TMEM132B: variants seen among roughly 807,000 people sequenced by gnomAD.
TMEM132B encodes transmembrane protein 132B.
In TMEM132B, 18 loss-of-function variants were observed where a neutral mutation model predicts 90.8. That is an observed-to-expected ratio of 0.20 (90% CI 0.14 to 0.29). The LOEUF (loss-of-function observed/expected upper bound fraction) is 0.29. TMEM132B is among the 10% of genes least tolerant of loss of function. TMEM132B has a pLI of 1.00. For synonymous variants in TMEM132B, 504 were observed against 523.3 expected (o/e 0.96, Z 0.50); for missense variants, 1,096 against 1,326.8 (o/e 0.83, Z 2.70).
chr12:125,470,852 T>C (rs78421157), intron 3 of TMEM132B, among the ~76,000 whole-genome samples: 9,408 of 152,174 alleles, frequency 0.062, 870 homozygotes, highest in African/African-American at 0.2. Context: ...GAGTCATTTT[T>C]CCCTCCTTCA....
intron 3 of TMEM132B, among the ~76,000 whole-genome samples, chr12:125,435,880 G>T (rs1880685043): frequency 6.6e-6 from 1 of 152,018 alleles, no homozygotes; most frequent in Non-Finnish European, 1.5e-5. Context: ...AACCAGGGCA[G>T]CAGGGAGGCC....
At chr12:125,400,967 G>A (rs1356070018) in intron 2 of TMEM132B, among the ~76,000 whole-genome samples, 1 of 152,094 alleles carries the variant, frequency 6.6e-6, no homozygotes, top group Non-Finnish European at 1.5e-5. Context: ...TATGGGTCCT[G>A]CCCCCCAGAC....
chr12:125,270,725 T>C (rs1874816495), intron 1 of TMEM132B, among the ~76,000 whole-genome samples: 1 of 150,294 alleles, frequency 6.7e-6, no homozygotes, highest in African/African-American at 2.5e-5. Context: ...CTCCAGGATG[T>C]TGAATCCCTT....
At chr12:125,520,285 C>T (rs1207658513) in intron 4 of TMEM132B, among the ~76,000 whole-genome samples, 1 of 152,206 alleles carries the variant, frequency 6.6e-6, no homozygotes, top group African/African-American at 2.4e-5. Context: ...ACAGTAAGTC[C>T]ATGGGTACTA....
intron 3 of TMEM132B, among the ~76,000 whole-genome samples, chr12:125,451,838 A>G (rs1361803830): frequency 6.6e-6 from 1 of 152,256 alleles, no homozygotes; most frequent in African/African-American, 2.4e-5. Context: ...CAGAGGCACT[A>G]GCATTCCAGG....
chr12:125,563,261 G>T (rs189565123), intron 4 of TMEM132B, among the ~76,000 whole-genome samples: 1 of 152,054 alleles, frequency 6.6e-6, no homozygotes, highest in Non-Finnish European at 1.5e-5. Flanking sequence ...CTGGAAAAAT[G>T]GTGCTAATAG....
intron 1 of TMEM132B, among the ~76,000 whole-genome samples, chr12:125,270,112 T>TGTGTGTGTG (rs1555235074): frequency 3.5e-5 from 5 of 143,250 alleles, no homozygotes; most frequent in East Asian, 4.2e-4. Context: ...CACATCTTTG[T>TGTGTGTGTG]TGTGTGTGTG....
At chr12:125,442,901 C>T (rs187823074) in intron 3 of TMEM132B, among the ~76,000 whole-genome samples, 3 of 152,348 alleles carry the variant, frequency 2.0e-5, no homozygotes, top group Admixed American at 6.5e-5. Flanking sequence ...AGGGTTGCCC[C>T]TGGTCGCTAG....
intron 2 of TMEM132B, among the ~76,000 whole-genome samples, chr12:125,402,454 G>T (rs565748671): frequency 6.6e-6 from 1 of 152,188 alleles, no homozygotes; most frequent in Non-Finnish European, 1.5e-5. Flanking sequence ...TGGGATTACC[G>T]GCATGAATCA....
intron 1 of TMEM132B, among the ~76,000 whole-genome samples, chr12:125,348,970 T>C (rs145387279): frequency 6.6e-6 from 1 of 152,302 alleles, no homozygotes; most frequent in Non-Finnish European, 1.5e-5. Flanking sequence ...TCAATAACAA[T>C]AGTAGAGATG....
In TMEM132B at chr12:125,348,000, G is replaced by A. The variant is rs1228687590; in HGVS notation, c.68-1452G>A. ...GAAAAACAAAAACTTTCGCCTTTGG[G>A]TTCTATAGACACACAAACATAAATA... On this transcript the variant is annotated intron_variant, in intron 1 of 8. Coordinates refer to ENST00000682704, the MANE Select transcript of TMEM132B (RefSeq NM_001366854.1). Among the ~76,000 whole-genome samples, 3 of 152,072 alleles carry A rather than the reference G, an allele frequency of 2.0e-5. No homozygotes were observed. In the East Asian group the frequency reaches 5.8e-4, roughly 29 times the overall value.
intron 1 of TMEM132B, among the ~76,000 whole-genome samples, chr12:125,242,044 A>G (rs1271555702): frequency 6.6e-6 from 1 of 152,224 alleles, no homozygotes; most frequent in Non-Finnish European, 1.5e-5. Flanking sequence ...AACAACGAGT[A>G]TTTTCTGAGA....
At chr12:125,542,859 C>A (rs571869205) in intron 4 of TMEM132B, among the ~76,000 whole-genome samples, 13 of 152,282 alleles carry the variant, frequency 8.5e-5, no homozygotes, top group African/African-American at 3.1e-4. Flanking sequence ...GGAGAGCAGG[C>A]TTTTAATTAT....
chr12:125,229,499 A>G (rs1250126950), intron 1 of TMEM132B, among the ~76,000 whole-genome samples: 2 of 152,208 alleles, frequency 1.3e-5, no homozygotes, highest in Non-Finnish European at 2.9e-5. Flanking sequence ...AGAGAAACCC[A>G]CTGTAACTGG....
At chr12:125,396,699 A>G (rs1027970541) in intron 2 of TMEM132B, among the ~76,000 whole-genome samples, 1 of 151,900 alleles carries the variant, frequency 6.6e-6, no homozygotes, top group Non-Finnish European at 1.5e-5. Context: ...TGGAGATGGG[A>G]TCTTGCTATG....
In TMEM132B at chr12:125,627,975, G is replaced by T. The variant is rs139145874; in HGVS notation, c.1438-16101G>T. 4.2e-4 allele frequency among the ~76,000 whole-genome samples: 64 copies of T among 152,242 alleles called. No homozygotes were observed. In the East Asian group the frequency reaches 0.01, roughly 25 times the overall value. Reference sequence around the variant, plus strand: ...AAAGATCTCCAGTTCCATCCATGTTGTTGCAAATGACAAGAGCTCATTCTT... The same window carrying T: ...AAAGATCTCCAGTTCCATCCATGTTTTTGCAAATGACAAGAGCTCATTCTT... On this transcript the variant is annotated intron_variant, in intron 5 of 8. Transcript: ENST00000682704.
chr12:125,439,514 A>AT (rs1272334702), intron 3 of TMEM132B, among the ~76,000 whole-genome samples: 1 of 152,122 alleles, frequency 6.6e-6, no homozygotes, highest in African/African-American at 2.4e-5. Context: ...TTGCACATTG[A>AT]TTTTGTATCC....
intron 1 of TMEM132B, among the ~76,000 whole-genome samples, chr12:125,191,557 C>A (rs1872794363): frequency 6.6e-6 from 1 of 152,158 alleles, no homozygotes; most frequent in East Asian, 1.9e-4. Context: ...GCTTATACTC[C>A]CAGGTGGTGG....
chr12:125,459,562 CA>C lies in TMEM132B; in HGVS notation c.1106+43891del, dbSNP rs1169403348. Among the ~76,000 whole-genome samples, 4 of 151,954 alleles carry C rather than the reference CA, an allele frequency of 2.6e-5. No individual in the cohort carries two copies. The highest frequency in any genetic ancestry group is 5.9e-5 in the Non-Finnish European group (4 of 67,994). ...GTGTGGTGGGGATGTCTAATGGGTA[CA>C]AAAAATATAGTTACAAAGAATGAAT... is the stretch of plus-strand genomic sequence containing the variant. On this transcript the variant is annotated intron_variant, in intron 3 of 8. Transcript: ENST00000682704. The surrounding 1 kb of genome is among the most constrained non-coding windows in gnomAD (Gnocchi z 4.1).
Sources: gnomAD v4.1 joint callset for allele counts (sites outside exome capture counted in the v4.1 genomes callset) on GRCh38, gnomAD v4.1.1 for gene constraint, Gnocchi (gnomAD v3.1) non-coding constraint, MANE v1.5 for transcripts, NCBI Gene and HGNC (gene_info 2026-07-23, HGNC 2026-07-21) for gene names.